The following BRF1 variants were observed in gnomAD, a reference collection of about 807,000 sequenced individuals.
BRF1 encodes the protein transcription factor IIIB 90 kDa subunit.
In BRF1, 59 loss-of-function variants were observed where a neutral mutation model predicts 81.7. That is an observed-to-expected ratio of 0.72 (90% CI 0.59 to 0.90). The LOEUF is 0.90. Ranked by LOEUF, BRF1 falls within the 40% of genes least tolerant of loss-of-function variation. The pLI is 0.00. For synonymous variants in BRF1, 491 were observed against 395.6 expected (o/e 1.24, Z -2.86); for missense variants, 1,050 against 936.3 (o/e 1.12, Z -1.58).
intron 4 of BRF1, among the ~76,000 whole-genome samples, chr14:105,253,272 G>A (rs587661960): frequency 6.0e-4 from 91 of 152,346 alleles, no homozygotes; most frequent in African/African-American, 2.1e-3. Flanking sequence ...TGCTGGCTGG[G>A]GGAGGACACT....
chr14:105,249,114 CCG>C (rs926656993), intron 5 of BRF1: 2 of 1,504,148 alleles, frequency 1.3e-6, no homozygotes, highest in Non-Finnish European at 8.8e-7. Flanking sequence ...GCCCCCGCGC[CCG>C]CGCGCGCCCA....
chr14:105,215,286 A>C (rs1419698562), intron 15 of BRF1, among the ~76,000 whole-genome samples: 1 of 152,082 alleles, frequency 6.6e-6, no homozygotes, highest in African/African-American at 2.4e-5. Flanking sequence ...GTGTACATAG[A>C]GACAAAGACC....
intron 3 of BRF1, among the ~76,000 whole-genome samples, chr14:105,267,474 T>TG (rs974526809): frequency 1.3e-5 from 2 of 151,816 alleles, no homozygotes; most frequent in East Asian, 3.9e-4. Flanking sequence ...GATTTTTTTT[T>TG]TTGTTTTCTT....
At chr14:105,310,603 C>T (rs993317860) in intron 1 of BRF1, among the ~76,000 whole-genome samples, 4 of 151,106 alleles carry the variant, frequency 2.6e-5, no homozygotes, top group Non-Finnish European at 4.4e-5. Flanking sequence ...AGATCATCCT[C>T]AATAGTTTGT....
Position 105,227,079 on chromosome 14 carries a change from G to T in BRF1, c.789-319C>A, listed in dbSNP as rs139080649. ...TGTAACGAGCTGTGATAGCGCCACT[G>T]GCCTCCAGCCTGGGCAGCAGAGTGA... On this transcript the variant is annotated intron_variant, in intron 7 of 17. Transcript: ENST00000547530. 56 of 306,390 alleles carry T rather than the reference G, an allele frequency of 1.8e-4. 1 individual carries two copies. Among genetic ancestry groups the T allele is most frequent in the African/African-American group, 1.2e-3 (52 of 44,330 alleles). The allele number at this position is 306,390 out of a possible 1,614,324, so 19.0% of individuals were successfully genotyped here.
At chr14:105,313,174 C>A (rs2058396519) in intron 1 of BRF1, among the ~76,000 whole-genome samples, 1 of 152,194 alleles carries the variant, frequency 6.6e-6, no homozygotes, top group African/African-American at 2.4e-5. Context: ...TACACAGGCA[C>A]CATGTGTCAG....
In BRF1 at chr14:105,267,765, G is replaced by C. The variant is rs756184056; in HGVS notation, c.439+4956C>G. On this transcript the variant is annotated intron_variant, in intron 3 of 17. Coordinates refer to ENST00000547530, the MANE Select transcript of BRF1 (RefSeq NM_001519.4). The stretch of plus-strand genomic sequence containing the variant: ...AGAGGAGCAGGAACAAGGGGGCCTG[G>C]TGGCAGAAGGAGGTGCTGGCCAGAA... 7.9e-5 allele frequency among the ~76,000 whole-genome samples: 12 copies of C among 152,242 alleles called. No individual in the cohort carries two copies. In the East Asian group the frequency reaches 1.7e-3, roughly 22 times the overall value.
chr14:105,218,969 A>G, intron 14 of BRF1, 29 bp downstream of exon 14: 1 of 1,613,520 alleles, frequency 6.2e-7, no homozygotes, highest in Non-Finnish European at 8.5e-7. Flanking sequence ...ACCCCCAAGA[A>G]GGCCAGGCCC....
chr14:105,221,934 C>A lies in BRF1; in HGVS notation c.1049-20G>T. On this transcript the variant is annotated intron_variant, in intron 10 of 17. Coordinates refer to ENST00000547530, the MANE Select transcript of BRF1 (RefSeq NM_001519.4). Reference sequence around the variant, plus strand: ...TGGAGCCTAGGTGTACACAATCCACCTGTTAACCAGGCAGAGGGCCAGGGT... The same window carrying A: ...TGGAGCCTAGGTGTACACAATCCACATGTTAACCAGGCAGAGGGCCAGGGT... 6.5e-7 allele frequency: 1 copy of A among 1,547,430 alleles called. No homozygotes were observed. Among genetic ancestry groups the A allele is most frequent in the Non-Finnish European group, 8.7e-7 (1 of 1,152,504 alleles).
chr14:105,295,608 TC>T (rs2057704079), intron 1 of BRF1, among the ~76,000 whole-genome samples: 1 of 150,978 alleles, frequency 6.6e-6, no homozygotes, highest in African/African-American at 2.4e-5. Context: ...AGACCCTGTC[TC>T]CCCAACCAAA....
rs755055022 is a variant in BRF1 at position 105,228,906 on chromosome 14, C to A, written c.702G>T (p.Leu234=). Residue 234 remains leucine, a synonymous_variant, in exon 7 of 18, where the codon CTG becomes CTT. Transcript: ENST00000547530. ...RPSGLCGAAL[L]VAARMHDFRR... ...TGAAGTCATGCATTCTGGCTGCAACCAGGAGCGCTGGAAGGCAACGAGACG... is the reference window on the plus strand; with the variant it reads ...TGAAGTCATGCATTCTGGCTGCAACAAGGAGCGCTGGAAGGCAACGAGACG... The A allele has an allele frequency of 4.0e-5, 65 of 1,613,474 alleles. No homozygotes were observed. Among genetic ancestry groups the A allele is most frequent in the Non-Finnish European group, 5.3e-5 (63 of 1,180,000 alleles).
intron 5 of BRF1, chr14:105,250,797 G>A (rs999768628): frequency 6.8e-6 from 7 of 1,034,094 alleles, no homozygotes; most frequent in Non-Finnish European, 9.8e-6. Flanking sequence ...GTCAGCTGAA[G>A]CTTGACTGTG....
chr14:105,247,507 G>A, intron 5 of BRF1: 4 of 985,282 alleles, frequency 4.1e-6, no homozygotes, highest in Non-Finnish European at 4.8e-6. Flanking sequence ...CTCCATCCTG[G>A]AGAGTCCTTT....
intron 1 of BRF1, among the ~76,000 whole-genome samples, chr14:105,294,540 G>C (rs2057656387): frequency 6.6e-6 from 1 of 152,190 alleles, no homozygotes; most frequent in South Asian, 2.1e-4. Context: ...TCCAAGTCTT[G>C]GCAACTGTGA....
rs182218578 is a variant in BRF1, at chr14:105,288,736, C to A, written c.185-2360G>T. 7.5e-3 allele frequency among the ~76,000 whole-genome samples: 1,126 copies of A among 149,864 alleles called. 17 individuals carry two copies. The highest frequency in any genetic ancestry group is 0.026 in the African/African-American group (1,081 of 41,014). ...GCAAGCTCTGCCTCCTGGGTTCATGCCATTCTCCTGCCTCAGCCTCCCGAG... is the reference window on the plus strand; with the variant it reads ...GCAAGCTCTGCCTCCTGGGTTCATGACATTCTCCTGCCTCAGCCTCCCGAG... On this transcript the variant is annotated intron_variant, in intron 1 of 17. Transcript: ENST00000547530.
intron 3 of BRF1, among the ~76,000 whole-genome samples, chr14:105,266,384 G>C (rs997659275): frequency 6.6e-6 from 1 of 152,140 alleles, no homozygotes; most frequent in Non-Finnish European, 1.5e-5. Context: ...CAGTGGTACA[G>C]CCTGGGAGAA....
chr14:105,249,666 T>C, intron 5 of BRF1: 1 of 1,612,884 alleles, frequency 6.2e-7, no homozygotes, highest in Non-Finnish European at 8.5e-7. Flanking sequence ...GAGATCGATC[T>C]GGAAGCCGAC....
upstream of BRF1, among the ~76,000 whole-genome samples, chr14:105,304,021 G>A (rs1200594669): frequency 6.6e-6 from 1 of 152,214 alleles, no homozygotes; most frequent in Non-Finnish European, 1.5e-5. Context: ...GGGTTATTTC[G>A]TGTGCTCCCT....
At chr14:105,296,543 C>T (rs965420336) in intron 1 of BRF1, among the ~76,000 whole-genome samples, 15 of 149,110 alleles carry the variant, frequency 1.0e-4, no homozygotes, top group African/African-American at 3.2e-4. Flanking sequence ...TAGCTGGGTG[C>T]GGTGGCGGGT....
Sources: gnomAD v4.1 joint callset for allele counts (sites outside exome capture counted in the v4.1 genomes callset) on GRCh38, gnomAD v4.1.1 for gene constraint, MANE v1.5 for transcripts, NCBI Gene and HGNC (gene_info 2026-07-23, HGNC 2026-07-21) for gene names.